Variants in IFT122 observed in about 807,000 individuals in gnomAD.
The protein encoded by IFT122 is intraflagellar transport 122, also known as intraflagellar transport protein 122 homolog.
In IFT122, 118 loss-of-function variants were observed where a neutral mutation model predicts 161.6. The ratio of observed to expected loss-of-function variants is 0.73; its 90% confidence interval spans 0.63 to 0.85. The LOEUF (loss-of-function observed/expected upper bound fraction) is 0.85. Among genes scored for constraint, IFT122 ranks in the 40% least tolerant of loss-of-function variants. IFT122 has a pLI of 0.00. For missense variants in IFT122, 1,381 were observed against 1,579.6 expected (o/e 0.87, Z 2.13); for synonymous variants, 550 against 602.4 (o/e 0.91, Z 1.27).
At chr3:129,515,410 G>C in intron 25 of IFT122, 78 bp from the exon 26 acceptor site, 1 of 1,195,238 alleles carries the variant, frequency 8.4e-7, no homozygotes, top group Non-Finnish European at 1.2e-6. Flanking sequence ...CCAGGCCCCA[G>C]GGGCCTGAAG....
At chr3:129,518,299 A>G (rs954615285) in intron 27 of IFT122, among the ~76,000 whole-genome samples, 3 of 152,266 alleles carry the variant, frequency 2.0e-5, no homozygotes, top group Non-Finnish European at 4.4e-5. Flanking sequence ...GCACCAGGGC[A>G]GTTGTCCAGG....
chr3:129,519,798 C>A, intron 29 of IFT122, 66 bp downstream of exon 29: 2 of 1,589,264 alleles, frequency 1.3e-6, no homozygotes. Flanking sequence ...CCAAATGTCC[C>A]TCTGGGAGGC....
chr3:129,498,407 C>T (rs1342066664), intron 18 of IFT122, among the ~76,000 whole-genome samples: 1 of 152,248 alleles, frequency 6.6e-6, no homozygotes, highest in Non-Finnish European at 1.5e-5. Flanking sequence ...AGAATCCGCG[C>T]CATAGCAGCT....
chr3:129,489,419 T>G (rs772842069), intron 16 of IFT122, among the ~76,000 whole-genome samples: 4 of 152,194 alleles, frequency 2.6e-5, no homozygotes, highest in Non-Finnish European at 4.4e-5. Context: ...GGAATTTAAA[T>G]CAGGGATGGT....
chr3:129,457,535 G>A (rs72988811), intron 3 of IFT122, among the ~76,000 whole-genome samples: 6,368 of 152,092 alleles, frequency 0.042, 394 homozygotes, highest in African/African-American at 0.13. Flanking sequence ...ATCTGGCTAA[G>A]CTCTGCTCAT....
At chr3:129,442,013 T>C (rs1211120239) in intron 1 of IFT122, among the ~76,000 whole-genome samples, 1 of 152,174 alleles carries the variant, frequency 6.6e-6, no homozygotes, top group East Asian at 1.9e-4. Context: ...CCTAGTGTGC[T>C]CAGCTCTTCC....
At chr3:129,495,346 G>A in intron 17 of IFT122, 100 bp from the exon 18 acceptor site, 2 of 1,518,924 alleles carry the variant, frequency 1.3e-6, no homozygotes, top group Non-Finnish European at 1.8e-6. Flanking sequence ...CAGTAGGAAG[G>A]CCCAGGGGCC....
At chr3:129,492,052 A>G (rs2080180720) in intron 16 of IFT122, 89 bp from the exon 17 acceptor site, 1 of 939,588 alleles carries the variant, frequency 1.1e-6, no homozygotes, top group Non-Finnish European at 1.8e-6. Context: ...CTCACTGTCT[A>G]GATAGAGCTT....
Position 129,459,389 on chromosome 3 carries a change from A to G in IFT122, c.272+712A>G, listed in dbSNP as rs1388107983. 4 of 418,844 alleles carry G rather than the reference A, an allele frequency of 9.6e-6. No individual in the cohort carries two copies. In the Admixed American group the frequency reaches 1.0e-4, roughly 11 times the overall value. 25.9% of individuals were successfully genotyped at this position (418,844 alleles called of 1,614,324 possible). On this transcript the variant is annotated intron_variant, in intron 4 of 29. Coordinates refer to ENST00000348417, the MANE Select transcript of IFT122 (RefSeq NM_052989.3). ...ACCGCAAGCTCCACCTCCCAGGTTC[A>G]CGCCATTCTCCTGCCTCAGCCTCCC... is the stretch of plus-strand genomic sequence containing the variant.
chr3:129,500,168 A>C, intron 19 of IFT122, 100 bp downstream of exon 19: 1 of 1,374,844 alleles, frequency 7.3e-7, no homozygotes, highest in Non-Finnish European at 1.0e-6. Context: ...TAATTATCTA[A>C]AGCTAATGTG....
intron 19 of IFT122, among the ~76,000 whole-genome samples, chr3:129,501,193 C>T (rs1345535773): frequency 6.6e-6 from 1 of 152,098 alleles, no homozygotes; most frequent in African/African-American, 2.4e-5. Flanking sequence ...GCTTCAGGCT[C>T]AAGCATGTGC....
intron 14 of IFT122, 131 bp downstream of exon 14, chr3:129,481,825 T>G: frequency 2.1e-6 from 2 of 936,922 alleles, no homozygotes; most frequent in Non-Finnish European, 3.4e-6. Flanking sequence ...GCCAAGCACA[T>G]GCACAGAGTC....
Position 129,515,520 on chromosome 3 carries a change from C to G in IFT122, c.3186C>G (p.Thr1062=), listed in dbSNP as rs757124316. 1.9e-6 allele frequency: 3 copies of G among 1,571,606 alleles called. No homozygotes were observed. The highest frequency in any genetic ancestry group is 2.6e-6 in the Non-Finnish European group (3 of 1,144,396). Residue 1062 remains threonine (T), a synonymous_variant, in exon 26 of 30, where the codon ACC becomes ACG. Coordinates refer to ENST00000348417, the MANE Select transcript of IFT122 (RefSeq NM_052989.3). ...ELVPLCYRCS[T]NNPLLNNLGN... Reference sequence around the variant, plus strand: ...TGCCCTTGTGCTACCGCTGCTCCACCAACAACCCGCTGCTCAACAACCTGG... The same window carrying G: ...TGCCCTTGTGCTACCGCTGCTCCACGAACAACCCGCTGCTCAACAACCTGG...
At chr3:129,517,620 G>A (rs938252259) in intron 27 of IFT122, 26 bp downstream of exon 27, 2 of 1,609,282 alleles carry the variant, frequency 1.2e-6, no homozygotes, top group Non-Finnish European at 1.7e-6. Context: ...GCCAGAGCCT[G>A]TGTGTGCGGC....
intron 11 of IFT122, 101 bp from the exon 12 acceptor site, chr3:129,477,915 T>C (rs1286315181): frequency 4.2e-6 from 4 of 941,426 alleles, no homozygotes; most frequent in Non-Finnish European, 5.1e-6. Context: ...TATCTCACTT[T>C]AATTGCCAGT....
chr3:129,496,347 G>T (rs1480811336), intron 18 of IFT122, among the ~76,000 whole-genome samples: 14 of 152,156 alleles, frequency 9.2e-5, no homozygotes, highest in African/African-American at 3.4e-4. Context: ...TTGCAGTTCA[G>T]TCTAAGCAAG....
chr3:129,504,463 A>C (rs745679313), intron 21 of IFT122, 42 bp downstream of exon 21: 8 of 1,495,162 alleles, frequency 5.4e-6, no homozygotes, highest in Non-Finnish European at 7.5e-6. Context: ...GAGCAGGAGA[A>C]GTTACTGCCA....
rs768818809 is a variant in IFT122, at chr3:129,479,903, T to G, written c.1469T>G (p.Val490Gly). The change falls in exon 13 of 30, where the codon GTG (valine) becomes GGG (glycine). Residue 490 changes from valine to glycine, a missense_variant. Physicochemically the swap from Val to Gly is moderately radical, Grantham distance 109. Around this residue, in one of 7 missense-constraint regions of IFT122, gnomAD observed 544 missense variants for 648.0 expected, o/e 0.84. Coordinates refer to ENST00000348417, the MANE Select transcript of IFT122 (RefSeq NM_052989.3). Reference protein sequence around the residue: ...GGPPGREGLLVGLKNGQILKI... With the variant: ...GGPPGREGLLGGLKNGQILKI... ...CCTCCTGGAAGAGAAGGCCTCTTAG[T>G]GGGGCTGAAGAATGGACAGGTGAGT... 3 of 1,613,876 alleles carry G rather than the reference T, an allele frequency of 1.9e-6. No homozygotes were observed. Among genetic ancestry groups the G allele is most frequent in the Non-Finnish European group, 1.7e-6 (2 of 1,179,976 alleles).
chr3:129,519,617 G>A lies in IFT122; in HGVS notation c.3521G>A (p.Arg1174His), dbSNP rs143602964. The A allele has an allele frequency of 7.0e-5, 113 of 1,613,390 alleles. No homozygotes were observed. The highest frequency in any genetic ancestry group is 1.1e-4 in the South Asian group (10 of 91,088). Residue 1174 changes from arginine to histidine, a missense_variant, in exon 29 of 30, where the codon CGC becomes CAC. Arg to His is a conservative substitution (Grantham distance 29, BLOSUM62 0). Coordinates refer to ENST00000348417, the MANE Select transcript of IFT122 (RefSeq NM_052989.3). ...GTGGTGGTGAGCCGGCTGGTGCTGC[G>A]CTCCATGAGCCGCCGGGATGTCCTC... ...VPVVVSRLVL[R>H]SMSRRDVLIK...
Sources: allele counts gnomAD v4.1 joint callset (sites outside exome capture counted in the v4.1 genomes callset), GRCh38; gene constraint gnomAD v4.1.1; regional missense constraint gnomAD v4.1.1; transcripts MANE v1.5; gene names NCBI Gene and HGNC (gene_info 2026-07-23, HGNC 2026-07-21).